The following ACOXL variants were observed in gnomAD, a reference collection of about 807,000 sequenced individuals.
ACOXL encodes acyl-CoA oxidase like, also known as acyl-coenzyme A oxidase-like protein.
Under a neutral mutation model 71.9 loss-of-function variants are expected in ACOXL, and 70 were observed. That is an observed-to-expected ratio of 0.97 (90% CI 0.80 to 1.19). The LOEUF is 1.19. Ranked by LOEUF, ACOXL falls within the 50% of genes most tolerant of loss-of-function variation. The pLI is 0.00. For synonymous variants in ACOXL, 253 were observed against 281.6 expected (o/e 0.90, Z 1.02); for missense variants, 703 against 736.3 (o/e 0.95, Z 0.52).
chr2:111,012,946 G>A (rs1461148811), intron 14 of ACOXL, among the ~76,000 whole-genome samples: 2 of 152,138 alleles, frequency 1.3e-5, no homozygotes, highest in Admixed American at 6.5e-5. Flanking sequence ...CAATAAAGAT[G>A]AGAGATAATG....
At chr2:110,782,155 A>T (rs1683416790) in intron 2 of ACOXL, among the ~76,000 whole-genome samples, 1 of 152,238 alleles carries the variant, frequency 6.6e-6, no homozygotes, top group East Asian at 1.9e-4. Flanking sequence ...TGGTTTGAAT[A>T]TATTAAGTGT....
intron 12 of ACOXL, among the ~76,000 whole-genome samples, chr2:110,948,218 C>T (rs190982670): frequency 9.8e-5 from 15 of 152,348 alleles, no homozygotes; most frequent in Admixed American, 9.1e-4. Context: ...GCACTGATCC[C>T]TCCTTTCACG....
chr2:110,763,616 A>T (rs76019653), intron 1 of ACOXL, among the ~76,000 whole-genome samples: 2,145 of 152,334 alleles, frequency 0.014, 57 homozygotes, highest in African/African-American at 0.046. Context: ...GAAAGTCCAT[A>T]TGACTTTGCA....
chr2:110,732,803 C>G (rs1171487102), intron 1 of ACOXL, 29 bp downstream of exon 1: 1 of 152,512 alleles, frequency 6.6e-6, no homozygotes, highest in Non-Finnish European at 1.5e-5. Flanking sequence ...CGCCCCTGCC[C>G]GCGCCCCCGA....
chr2:110,770,978 T>G lies in ACOXL; in HGVS notation c.75+2514T>G, dbSNP rs1003736260. ...TGAGCTCTGGATCCAATTATCTTCC[T>G]GTTTTCCTGGCTCACTTAGTGGCCT... On this transcript the variant is annotated intron_variant, in intron 2 of 17. Coordinates refer to ENST00000439055, the MANE Select transcript of ACOXL (RefSeq NM_001142807.4). Among the ~76,000 whole-genome samples, 5 of 152,248 alleles carry G rather than the reference T, an allele frequency of 3.3e-5. 1 individual carries two copies. Among genetic ancestry groups the G allele is most frequent in the Admixed American group, 1.3e-4 (2 of 15,288 alleles).
chr2:111,033,280 G>A (rs1471108479), intron 15 of ACOXL, among the ~76,000 whole-genome samples: 1 of 152,188 alleles, frequency 6.6e-6, no homozygotes, highest in African/African-American at 2.4e-5. Flanking sequence ...CATTTTTAAT[G>A]TATTGCCCAC....
chr2:110,927,346 C>G (rs188650331), intron 11 of ACOXL, among the ~76,000 whole-genome samples: 2 of 152,252 alleles, frequency 1.3e-5, no homozygotes, highest in East Asian at 3.9e-4. Flanking sequence ...AATCATGGGT[C>G]AAGCTCAAGC....
rs189420651 is a variant in ACOXL at position 111,053,250 on chromosome 2, C to T, written c.1440+3962C>T. 4.6e-5 allele frequency among the ~76,000 whole-genome samples: 7 copies of T among 152,334 alleles called. No individual in the cohort carries two copies. The East Asian group carries it at 1.2e-3, about 25-fold the overall frequency. On this transcript the variant is annotated intron_variant, in intron 16 of 17. Transcript: ENST00000439055. The stretch of plus-strand genomic sequence containing the variant: ...CTACCACTCGTCTCTCTCCTCCAGG[C>T]GCTGCCAAGTGAACTTGCTTGGAGC...
intron 10 of ACOXL, 85 bp from the exon 11 acceptor site, chr2:110,908,704 G>A (rs770391120): frequency 1.2e-4 from 130 of 1,074,296 alleles, no homozygotes; most frequent in East Asian, 2.9e-4. Flanking sequence ...AAGGCAAATG[G>A]CTAGCCAGCA....
intron 2 of ACOXL, among the ~76,000 whole-genome samples, chr2:110,771,098 G>C (rs745820288): frequency 1.3e-5 from 2 of 152,148 alleles, no homozygotes; most frequent in Non-Finnish European, 2.9e-5. Context: ...AGTCATTTCT[G>C]TGAATTATCT....
intron 14 of ACOXL, among the ~76,000 whole-genome samples, chr2:111,017,281 A>T (rs993102206): frequency 1.3e-5 from 2 of 152,254 alleles, no homozygotes; most frequent in Non-Finnish European, 2.9e-5. Context: ...AGCTGGGATC[A>T]CAGACATTTG....
intron 10 of ACOXL, among the ~76,000 whole-genome samples, chr2:110,896,978 A>G (rs1417575805): frequency 6.6e-6 from 1 of 152,160 alleles, no homozygotes; most frequent in East Asian, 1.9e-4. Flanking sequence ...TATCTTATCC[A>G]GAAAAAAAAA....
chr2:110,786,145 A>G (rs1476674354), intron 3 of ACOXL, among the ~76,000 whole-genome samples: 1 of 152,128 alleles, frequency 6.6e-6, no homozygotes, highest in Non-Finnish European at 1.5e-5. Context: ...ACACCACTGG[A>G]TCTCAGAATG....
intron 10 of ACOXL, among the ~76,000 whole-genome samples, chr2:110,899,366 T>A (rs1408814410): frequency 1.3e-5 from 2 of 152,330 alleles, no homozygotes; most frequent in South Asian, 2.1e-4. Context: ...TCTGCATTTA[T>A]CTCCTTGCTC....
Position 110,801,451 on chromosome 2 carries a change from A to G in ACOXL, c.548-201A>G, listed in dbSNP as rs1023631777. On this transcript the variant is annotated intron_variant, in intron 7 of 17. Transcript: ENST00000439055. ...TCTCCTCCACTCTCGCTAAGGAGGA[A>G]GGGGCCAGGCTGGTGGAAGAAACAG... is the stretch of plus-strand genomic sequence containing the variant. Among the ~76,000 whole-genome samples, 3 of 152,320 alleles carry G rather than the reference A, an allele frequency of 2.0e-5. No homozygotes were observed. The South Asian group carries it at 6.2e-4, about 32-fold the overall frequency.
At chr2:110,953,307 A>G (rs13003854) in intron 12 of ACOXL, among the ~76,000 whole-genome samples, 13,918 of 151,066 alleles carry the variant, frequency 0.092, 865 homozygotes, top group Middle Eastern at 0.17. Context: ...TGTTGTTGTT[A>G]TTATCATTAT....
At chr2:110,868,290 TATC>T (rs1002060295) in intron 10 of ACOXL, among the ~76,000 whole-genome samples, 4 of 152,222 alleles carry the variant, frequency 2.6e-5, no homozygotes, top group Non-Finnish European at 5.9e-5. Context: ...TGTCTGGTGT[TATC>T]ATTTTCCTTA....
At chr2:111,096,354 T>A (rs2068801037) in intron 17 of ACOXL, among the ~76,000 whole-genome samples, 1 of 151,962 alleles carries the variant, frequency 6.6e-6, no homozygotes, top group Non-Finnish European at 1.5e-5. Context: ...GCCATTCTCC[T>A]GCCTCAGCCT....
chr2:110,885,705 C>G (rs575458023), intron 10 of ACOXL, among the ~76,000 whole-genome samples: 1 of 152,044 alleles, frequency 6.6e-6, no homozygotes, highest in Non-Finnish European at 1.5e-5. Flanking sequence ...GAAGCGATGT[C>G]CTTTTTATAC....
Sources: gnomAD v4.1 joint callset for allele counts (sites outside exome capture counted in the v4.1 genomes callset) on GRCh38, gnomAD v4.1.1 for gene constraint, MANE v1.5 for transcripts, NCBI Gene and HGNC (gene_info 2026-07-23, HGNC 2026-07-21) for gene names.